ADGRB3: variants seen among roughly 807,000 people sequenced by gnomAD.
The protein encoded by ADGRB3 is adhesion G protein-coupled receptor B3, also known as brain-specific angiogenesis inhibitor 3.
Under a neutral mutation model 193.4 loss-of-function variants are expected in ADGRB3, and 37 were observed. That is an observed-to-expected ratio of 0.19 (90% CI 0.15 to 0.25). The LOEUF (loss-of-function observed/expected upper bound fraction) is 0.25. Ranked by LOEUF, ADGRB3 falls within the 10% of genes least tolerant of loss-of-function variation. ADGRB3 has a pLI of 1.00. For missense variants in ADGRB3, 1,637 were observed against 1,852.9 expected (o/e 0.88, Z 2.14); for synonymous variants, 690 against 644.2 (o/e 1.07, Z -1.08).
intron 14 of ADGRB3, among the ~76,000 whole-genome samples, chr6:69,048,808 G>A (rs1771310449): frequency 6.6e-6 from 1 of 152,106 alleles, no homozygotes; most frequent in African/African-American, 2.4e-5. Flanking sequence ...GTTTACCTGT[G>A]TAACAAACCG....
chr6:68,676,516 A>T (rs1177771729), intron 3 of ADGRB3, among the ~76,000 whole-genome samples: 3 of 152,206 alleles, frequency 2.0e-5, no homozygotes, highest in Non-Finnish European at 4.4e-5. Flanking sequence ...CCAGAATGCT[A>T]ATGCAATAAC....
intron 3 of ADGRB3, among the ~76,000 whole-genome samples, chr6:68,883,941 T>A (rs1035636186): frequency 6.6e-6 from 1 of 152,214 alleles, no homozygotes; most frequent in Non-Finnish European, 1.5e-5. Context: ...AATTTAAGGG[T>A]ACTTCCAAGG....
Position 69,010,776 on chromosome 6 carries a change from A to G in ADGRB3, c.1930-3262A>G, listed in dbSNP as rs1357881764. On this transcript the variant is annotated intron_variant, in intron 11 of 31. Coordinates refer to ENST00000370598, the MANE Select transcript of ADGRB3 (RefSeq NM_001704.3). ...GGTCATGGAGATCAAGGCTGACTAA[A>G]AAAAAAAAAAAAAATCAAAAAACAA... Among the ~76,000 whole-genome samples, 3 of 17,376 alleles carry G rather than the reference A, an allele frequency of 1.7e-4. No individual in the cohort carries two copies. The African/African-American group carries it at 3.5e-3, about 20-fold the overall frequency. 11.4% of individuals were successfully genotyped at this position (17,376 alleles called of 152,430 possible).
chr6:68,648,472 GT>G (rs375657707), intron 3 of ADGRB3, among the ~76,000 whole-genome samples: 13 of 99,836 alleles, frequency 1.3e-4, no homozygotes, highest in East Asian at 2.8e-4. Context: ...GAGTTTTTTT[GT>G]TTTTTTTTTC....
At chr6:68,947,386 T>C (rs1449350756) in intron 6 of ADGRB3, among the ~76,000 whole-genome samples, 1 of 152,154 alleles carries the variant, frequency 6.6e-6, no homozygotes, top group African/African-American at 2.4e-5. Context: ...TCTCAATTAA[T>C]AATTTACATA....
intron 3 of ADGRB3, among the ~76,000 whole-genome samples, chr6:68,651,895 TC>T (rs1221694194): frequency 6.6e-6 from 1 of 152,132 alleles, no homozygotes; most frequent in African/African-American, 2.4e-5. Context: ...GTTTTAAACT[TC>T]CTTCCATTGA....
At chr6:69,021,331 A>T (rs1160905275) in intron 13 of ADGRB3, among the ~76,000 whole-genome samples, 2 of 151,892 alleles carry the variant, frequency 1.3e-5, no homozygotes, top group African/African-American at 4.8e-5. Flanking sequence ...TAGATAGTAC[A>T]CTCCTGAAGG....
intron 17 of ADGRB3, among the ~76,000 whole-genome samples, chr6:69,189,476 C>T (rs1307513907): frequency 6.6e-6 from 1 of 152,102 alleles, no homozygotes; most frequent in Non-Finnish European, 1.5e-5. Context: ...GATGGGTAAA[C>T]ATTTTTTATT....
chr6:68,664,323 A>C (rs1016139928), intron 3 of ADGRB3, among the ~76,000 whole-genome samples: 7 of 151,800 alleles, frequency 4.6e-5, no homozygotes, highest in Non-Finnish European at 1.0e-4. Flanking sequence ...GCCATCCTTC[A>C]AATTCATATG....
At chr6:69,212,981 G>A (rs1201727672) in intron 17 of ADGRB3, among the ~76,000 whole-genome samples, 3 of 152,142 alleles carry the variant, frequency 2.0e-5, no homozygotes, top group African/African-American at 7.2e-5. Flanking sequence ...AGCTTGACAA[G>A]TGTTCCTGTA....
chr6:68,843,467 A>C (rs1434469399), intron 3 of ADGRB3, among the ~76,000 whole-genome samples: 2 of 152,078 alleles, frequency 1.3e-5, no homozygotes, highest in African/African-American at 2.4e-5. Context: ...TAACATAAGG[A>C]AGTGAAAGAT....
At chr6:69,355,747 A>G (rs1769324318) in intron 27 of ADGRB3, 74 bp from the exon 28 acceptor site, 3 of 1,215,530 alleles carry the variant, frequency 2.5e-6, no homozygotes, top group Non-Finnish European at 2.4e-6. Context: ...TAAACTTCAG[A>G]TAATCTGATT....
intron 3 of ADGRB3, among the ~76,000 whole-genome samples, chr6:68,711,622 C>A (rs1178318744): frequency 6.6e-6 from 1 of 151,952 alleles, no homozygotes; most frequent in Non-Finnish European, 1.5e-5. Flanking sequence ...TCAGCTAGCC[C>A]AACAAAGCTA....
intron 3 of ADGRB3, among the ~76,000 whole-genome samples, chr6:68,684,681 T>A (rs73461977): frequency 0.027 from 4,050 of 152,170 alleles, 81 homozygotes; most frequent in African/African-American, 0.054. Flanking sequence ...AATGTTAATG[T>A]AGGGAAAATT....
intron 3 of ADGRB3, among the ~76,000 whole-genome samples, chr6:68,867,195 G>T (rs1765319941): frequency 6.6e-6 from 1 of 152,130 alleles, no homozygotes; most frequent in Non-Finnish European, 1.5e-5. Context: ...TTGTAGGCTA[G>T]TCCCAGGGTG....
chr6:69,053,929 T>A (rs772915306), intron 15 of ADGRB3, among the ~76,000 whole-genome samples: 31 of 152,186 alleles, frequency 2.0e-4, no homozygotes, highest in Non-Finnish European at 4.0e-4. Flanking sequence ...TTATAAACAA[T>A]CATTTGTCTG....
chr6:68,849,770 G>T (rs913480814), intron 3 of ADGRB3, among the ~76,000 whole-genome samples: 1 of 151,820 alleles, frequency 6.6e-6, no homozygotes, highest in Non-Finnish European at 1.5e-5. Flanking sequence ...TGTTTGGATG[G>T]ATAGCTGGAT....
At chr6:68,755,998 C>T (rs1766292166) in intron 3 of ADGRB3, among the ~76,000 whole-genome samples, 1 of 152,138 alleles carries the variant, frequency 6.6e-6, no homozygotes, top group Admixed American at 6.5e-5. Flanking sequence ...AAAAATGCTT[C>T]TGCCTTTTTC....
chr6:69,249,469 G>T (rs1230168777), intron 20 of ADGRB3, among the ~76,000 whole-genome samples: 2 of 152,184 alleles, frequency 1.3e-5, no homozygotes, highest in African/African-American at 4.8e-5. Flanking sequence ...AAGCTGGCTG[G>T]CTTTGTAGAA....
Sources: allele counts gnomAD v4.1 joint callset (sites outside exome capture counted in the v4.1 genomes callset), GRCh38; gene constraint gnomAD v4.1.1; transcripts MANE v1.5; gene names NCBI Gene and HGNC (gene_info 2026-07-23, HGNC 2026-07-21).